The following TMOD3 variants were observed in gnomAD, a reference collection of about 807,000 sequenced individuals.
The protein encoded by TMOD3 is tropomodulin 3, also known as tropomodulin-3.
TMOD3 carries 20 observed loss-of-function variants against 39.2 expected under a neutral mutation model. The ratio of observed to expected loss-of-function variants is 0.51; its 90% CI spans 0.36 to 0.74. The LOEUF (loss-of-function observed/expected upper bound fraction) is 0.74. Among genes scored for constraint, TMOD3 ranks in the 30% least tolerant of loss-of-function variants. The probability of loss-of-function intolerance (pLI) is 0.00; values close to 1 mark genes in which losing one functional copy is unlikely to be tolerated. For synonymous variants in TMOD3, 143 were observed against 145.8 expected (o/e 0.98, Z 0.14); for missense variants, 381 against 412.8 (o/e 0.92, Z 0.67).
intron 9 of TMOD3, among the ~76,000 whole-genome samples, chr15:51,902,620 G>A (rs575981894): frequency 2.0e-3 from 301 of 149,856 alleles, no homozygotes; most frequent in Non-Finnish European, 3.6e-3. Flanking sequence ...ACAGGCGTGC[G>A]CGCCGTGCCC....
chr15:51,882,109 G>C (rs2056537852), intron 3 of TMOD3, among the ~76,000 whole-genome samples: 1 of 151,616 alleles, frequency 6.6e-6, no homozygotes, highest in Non-Finnish European at 1.5e-5. Flanking sequence ...TGGCCAGGCT[G>C]GTCTCGATCT....
At chr15:51,853,761 C>T (rs2056374356) in intron 1 of TMOD3, among the ~76,000 whole-genome samples, 1 of 148,228 alleles carries the variant, frequency 6.7e-6, no homozygotes, top group African/African-American at 2.5e-5. Flanking sequence ...CCACTGCACT[C>T]TGGCCTGACA....
At chr15:51,842,391 A>T (rs2056316618) in intron 1 of TMOD3, among the ~76,000 whole-genome samples, 3 of 152,184 alleles carry the variant, frequency 2.0e-5, no homozygotes, top group Admixed American at 2.0e-4. Flanking sequence ...GCTTGATGAT[A>T]CCAAATTACT....
At chr15:51,842,495 T>A (rs1246940235) in intron 1 of TMOD3, among the ~76,000 whole-genome samples, 1 of 152,174 alleles carries the variant, frequency 6.6e-6, no homozygotes, top group Non-Finnish European at 1.5e-5. Context: ...GTGGGTTGTG[T>A]GGATGTTGAT....
intron 1 of TMOD3, among the ~76,000 whole-genome samples, chr15:51,839,156 T>G (rs2056300643): frequency 6.8e-6 from 1 of 146,180 alleles, no homozygotes. Context: ...AAGAAATAGG[T>G]GTATCTCTCT....
intron 3 of TMOD3, among the ~76,000 whole-genome samples, chr15:51,878,601 T>C (rs1434299678): frequency 6.6e-6 from 1 of 152,230 alleles, no homozygotes; most frequent in Non-Finnish European, 1.5e-5. Context: ...TTCTAGTTCA[T>C]TGTCTAGTAT....
chr15:51,867,382 T>C (rs2056452320), intron 2 of TMOD3, among the ~76,000 whole-genome samples: 1 of 152,354 alleles, frequency 6.6e-6, no homozygotes, highest in Non-Finnish European at 1.5e-5. Context: ...GGTAGAAATC[T>C]TATGTTTCTT....
rs184793292 is a variant in TMOD3 at position 51,902,460 on chromosome 15, C to T, written c.1024+424C>T. Among the ~76,000 whole-genome samples the T allele has an allele frequency of 3.5e-3, 532 of 152,064 alleles. 2 individuals carry two copies. Among genetic ancestry groups the T allele is most frequent in the Non-Finnish European group, 6.2e-3 (422 of 67,968 alleles). On this transcript the variant is annotated intron_variant, in intron 9 of 9. Transcript: ENST00000308580. ...TAAAATAGAGAATAATTATATTTCT[C>T]ACCCAGGTTTTTTGTTGTTGATTTT...
chr15:51,830,469 G>T (rs1366675454), intron 1 of TMOD3, among the ~76,000 whole-genome samples: 2 of 152,126 alleles, frequency 1.3e-5, no homozygotes, highest in African/African-American at 4.8e-5. Flanking sequence ...TGTTTCCTCC[G>T]CAAGCCTGCA....
chr15:51,852,671 A>G (rs1482856833), intron 1 of TMOD3, among the ~76,000 whole-genome samples: 1 of 152,168 alleles, frequency 6.6e-6, no homozygotes, highest in Non-Finnish European at 1.5e-5. Context: ...AGAGGATACT[A>G]GGTAGCTGGA....
chr15:51,842,280 C>T (rs1181133679), intron 1 of TMOD3, among the ~76,000 whole-genome samples: 2 of 152,174 alleles, frequency 1.3e-5, no homozygotes, highest in Non-Finnish European at 2.9e-5. Context: ...CTGCATGCTG[C>T]TTCTCCATAG....
chr15:51,882,519 A>G (rs1595904223), intron 3 of TMOD3, among the ~76,000 whole-genome samples: 1 of 152,130 alleles, frequency 6.6e-6, no homozygotes, highest in African/African-American at 2.4e-5. Context: ...AACCAAAAAC[A>G]AAAAACTTTG....
intron 5 of TMOD3, among the ~76,000 whole-genome samples, chr15:51,891,162 A>G (rs2470599): frequency 0.13 from 19,327 of 152,058 alleles, 1,586 homozygotes; most frequent in East Asian, 0.26. Flanking sequence ...GATTGGCTCA[A>G]AAAAGGTTAC....
chr15:51,872,342 G>A (rs1390266926), intron 3 of TMOD3, among the ~76,000 whole-genome samples: 5 of 152,018 alleles, frequency 3.3e-5, no homozygotes, highest in Middle Eastern at 3.4e-3. Context: ...GCAGTGAGCC[G>A]AGGTTGCTCT....
At chr15:51,837,563 G>A (rs2056292823) in intron 1 of TMOD3, among the ~76,000 whole-genome samples, 1 of 151,504 alleles carries the variant, frequency 6.6e-6, no homozygotes, top group Non-Finnish European at 1.5e-5. Context: ...TTTTTCTCCT[G>A]TTGTCCCTAA....
chr15:51,909,071 C>T lies in TMOD3; in HGVS notation c.*261C>T, dbSNP rs2056697411. Reference sequence around the variant, plus strand: ...ATGATGAATCTTGGGCAAAAAAATACAACTGTAAAAAATTTCACAGGTCAT... The same window carrying T: ...ATGATGAATCTTGGGCAAAAAAATATAACTGTAAAAAATTTCACAGGTCAT... On this transcript the variant is annotated 3_prime_UTR_variant, in exon 10 of 10. Coordinates refer to ENST00000308580, the MANE Select transcript of TMOD3 (RefSeq NM_014547.5). The T allele has an allele frequency of 3.1e-6, 1 of 317,824 alleles. No individual in the cohort carries two copies. Among genetic ancestry groups the T allele is most frequent in the East Asian group, 5.1e-5 (1 of 19,474 alleles). 19.7% of individuals were successfully genotyped at this position (317,824 alleles called of 1,614,324 possible).
chr15:51,839,665 G>A (rs1193957768), intron 1 of TMOD3, among the ~76,000 whole-genome samples: 1 of 151,990 alleles, frequency 6.6e-6, no homozygotes, highest in African/African-American at 2.4e-5. Context: ...TCCTGCCTCA[G>A]TCTCCCAAGT....
rs766409971 is a variant in TMOD3 at position 51,862,891 on chromosome 15, C to T, written c.7C>T (p.Leu3=). 1 of 1,613,428 alleles carries T rather than the reference C, an allele frequency of 6.2e-7. No homozygotes were observed. Among genetic ancestry groups the T allele is most frequent in the Admixed American group, 1.7e-5 (1 of 59,928 alleles). Residue 3 remains leucine (L), a synonymous_variant, in exon 2 of 10, where the codon CTG becomes TTG. Transcript: ENST00000308580. ...ACTTGCTGCCCTGCACATCATGGCA[C>T]TGCCATTCCGTAAGGACTTAGAAAA... MA[L]PFRKDLEKYK...
chr15:51,905,786 T>A, intron 9 of TMOD3, among the ~76,000 whole-genome samples: 1 of 151,040 alleles, frequency 6.6e-6, no homozygotes. Flanking sequence ...CTACTAAAAA[T>A]ACAAAAAATT....
Sources: allele counts gnomAD v4.1 joint callset (sites outside exome capture counted in the v4.1 genomes callset), GRCh38; gene constraint gnomAD v4.1.1; transcripts MANE v1.5; gene names NCBI Gene and HGNC (gene_info 2026-07-23, HGNC 2026-07-21).